The following FLVCR2 variants were observed in gnomAD, a reference collection of about 807,000 sequenced individuals.
FLVCR2 encodes FLVCR choline and putative heme transporter 2, also known as choline/ethanolamine transporter FLVCR2.
In FLVCR2, 38 loss-of-function variants were observed where a neutral mutation model predicts 48.9. The observed-to-expected ratio is 0.78, with a 90% confidence interval of 0.60 to 1.02. FLVCR2 has a LOEUF of 1.02. FLVCR2 is among the 50% of genes least tolerant of loss of function. The pLI, the probability that FLVCR2 is intolerant of heterozygous loss-of-function variation, is 0.00. For synonymous variants in FLVCR2, 255 were observed against 257.0 expected, an observed-to-expected ratio of 0.99 and a Z score of 0.07; for missense variants, 664 against 663.3, an observed-to-expected ratio of 1.00 and a Z score of -0.01.
At chr14:75,619,485 C>CT (rs1889708047) in intron 1 of FLVCR2, among the ~76,000 whole-genome samples, 1 of 122,820 alleles carries the variant, frequency 8.1e-6, no homozygotes, top group African/African-American at 3.3e-5. Flanking sequence ...GCTCATCCAT[C>CT]CATCCATCCA....
chr14:75,590,592 C>G (rs1888856525), intron 1 of FLVCR2, among the ~76,000 whole-genome samples: 1 of 152,188 alleles, frequency 6.6e-6, no homozygotes, highest in African/African-American at 2.4e-5. Context: ...GAGTAAAGTT[C>G]TCATGCATGG....
rs1042081695 is a variant in FLVCR2 at position 75,624,893 on chromosome 14, T to C, written c.952+141T>C. On this transcript the variant is annotated intron_variant, in intron 3 of 9. Coordinates refer to ENST00000238667, the MANE Select transcript of FLVCR2 (RefSeq NM_017791.3). ...CTAGGGTCAATCCAGAGGACCCAGC[T>C]ATGCCCAAGGGCCTTTGCATGTGTT... is the stretch of plus-strand genomic sequence containing the variant. 5 of 992,970 alleles carry C rather than the reference T, an allele frequency of 5.0e-6. No individual in the cohort carries two copies. In the East Asian group the frequency reaches 1.3e-4, roughly 25 times the overall value. 61.5% of individuals were successfully genotyped at this position (992,970 alleles called of 1,614,324 possible). A position where few individuals can be genotyped will look rare whatever the true frequency, so the allele number is the denominator to read the frequency against.
intron 1 of FLVCR2, chr14:75,595,761 G>T: frequency 1.5e-6 from 1 of 682,638 alleles, no homozygotes; most frequent in Non-Finnish European, 2.7e-6. Flanking sequence ...TAATATTCTT[G>T]TGAAAAATCC....
At chr14:75,607,547 T>A (rs1231886244) in intron 1 of FLVCR2, among the ~76,000 whole-genome samples, 1 of 152,020 alleles carries the variant, frequency 6.6e-6, no homozygotes, top group African/African-American at 2.4e-5. Flanking sequence ...ACCTCAGAAG[T>A]CTCGATGTTG....
chr14:75,586,341 T>C (rs1888748640), intron 1 of FLVCR2, among the ~76,000 whole-genome samples: 1 of 152,132 alleles, frequency 6.6e-6, no homozygotes, highest in Admixed American at 6.5e-5. Flanking sequence ...AGTACATTGA[T>C]CAGTTAGGGT....
At chr14:75,585,275 C>T (rs745608129) in intron 1 of FLVCR2, among the ~76,000 whole-genome samples, 3 of 152,152 alleles carry the variant, frequency 2.0e-5, no homozygotes, top group Non-Finnish European at 2.9e-5. Flanking sequence ...TGTCAGGCAC[C>T]TCAGACCATT....
intron 5 of FLVCR2, among the ~76,000 whole-genome samples, chr14:75,637,451 G>A (rs1376390535): frequency 6.6e-6 from 1 of 152,240 alleles, no homozygotes; most frequent in African/African-American, 2.4e-5. Context: ...TTTTGGCCAG[G>A]TGCGGTGGCT....
chr14:75,608,884 G>T (rs1889365770), intron 1 of FLVCR2, among the ~76,000 whole-genome samples: 1 of 152,082 alleles, frequency 6.6e-6, no homozygotes, highest in Non-Finnish European at 1.5e-5. Flanking sequence ...TCTGTCCCTT[G>T]CAAATAACCC....
rs1890453538 is a variant in FLVCR2 at position 75,647,823 on chromosome 14, G to A, written c.*1351G>A. ...CAGCATATCAGGGCAGCCTGTGCTG[G>A]CTGCAATACTGTGGTGCTTGGGCCA... On this transcript the variant is annotated 3_prime_UTR_variant, in exon 10 of 10. Coordinates refer to ENST00000238667, the MANE Select transcript of FLVCR2 (RefSeq NM_017791.3). The A allele has an allele frequency of 6.5e-6, 1 of 152,782 alleles. No homozygotes were observed. The allele number at this position is 152,782 out of a possible 1,614,324, so 9.5% of individuals were successfully genotyped here.
At chr14:75,598,450 C>T (rs1165595138) in intron 1 of FLVCR2, among the ~76,000 whole-genome samples, 1 of 151,710 alleles carries the variant, frequency 6.6e-6, no homozygotes, top group Non-Finnish European at 1.5e-5. Flanking sequence ...ATTTTTTTTT[C>T]TCTATAACCT....
intron 1 of FLVCR2, among the ~76,000 whole-genome samples, chr14:75,620,015 C>T: frequency 6.6e-6 from 1 of 152,216 alleles, no homozygotes; most frequent in East Asian, 1.9e-4. Flanking sequence ...GTCACAGAGC[C>T]TCAGATGATG....
At chr14:75,591,303 A>G (rs900522088) in intron 1 of FLVCR2, among the ~76,000 whole-genome samples, 1 of 152,216 alleles carries the variant, frequency 6.6e-6, no homozygotes, top group African/African-American at 2.4e-5. Context: ...TTGGCCTCTC[A>G]GAGTGCCTGG....
chr14:75,603,720 C>T (rs768514693), intron 1 of FLVCR2, among the ~76,000 whole-genome samples: 3 of 152,152 alleles, frequency 2.0e-5, no homozygotes, highest in East Asian at 3.8e-4. Flanking sequence ...GATACTCCCC[C>T]CTTAGATGCT....
Position 75,625,101 on chromosome 14 carries a change from C to T in FLVCR2, c.952+349C>T, listed in dbSNP as rs558745507. Among the ~76,000 whole-genome samples the T allele has an allele frequency of 8.4e-4, 127 of 152,038 alleles. 1 individual carries two copies. Among genetic ancestry groups the T allele is most frequent in the Non-Finnish European group, 1.6e-3 (108 of 68,004 alleles). Reference sequence around the variant, plus strand: ...ATTAAAAAAAAATTTTTTTGCAGGTCTATTTCCCCATTAGACTGAACTCTC... The same window carrying T: ...ATTAAAAAAAAATTTTTTTGCAGGTTTATTTCCCCATTAGACTGAACTCTC... On this transcript the variant is annotated intron_variant, in intron 3 of 9. Coordinates refer to ENST00000238667, the MANE Select transcript of FLVCR2 (RefSeq NM_017791.3).
intron 1 of FLVCR2, among the ~76,000 whole-genome samples, chr14:75,611,757 C>CA (rs530229324): frequency 1.3e-5 from 2 of 151,914 alleles, no homozygotes; most frequent in African/African-American, 2.4e-5. Context: ...AACAAACAAA[C>CA]AAAAAAACCC....
At chr14:75,633,108 C>T (rs1269575631) in intron 3 of FLVCR2, among the ~76,000 whole-genome samples, 1 of 152,174 alleles carries the variant, frequency 6.6e-6, no homozygotes, top group African/African-American at 2.4e-5. Context: ...AGGATCTCTT[C>T]TAGTTTCATG....
At chr14:75,623,012 T>TGC (rs1378646042) in intron 2 of FLVCR2, among the ~76,000 whole-genome samples, 1 of 152,084 alleles carries the variant, frequency 6.6e-6, no homozygotes, top group Non-Finnish European at 1.5e-5. Flanking sequence ...GATGGAGTCT[T>TGC]GCTCTGTCAC....
At chr14:75,595,802 C>A in intron 1 of FLVCR2, 1 of 796,288 alleles carries the variant, frequency 1.3e-6, no homozygotes, top group Non-Finnish European at 2.3e-6. Flanking sequence ...CATTGCAGCA[C>A]CTTTACTCCT....
intron 2 of FLVCR2, among the ~76,000 whole-genome samples, chr14:75,623,233 C>T (rs1889808517): frequency 2.6e-5 from 4 of 152,178 alleles, no homozygotes; most frequent in Admixed American, 1.3e-4. Flanking sequence ...CTACCCGCCT[C>T]AGCCTCCCAA....
Sources: gnomAD v4.1 joint callset for allele counts (sites outside exome capture counted in the v4.1 genomes callset) on GRCh38, gnomAD v4.1.1 for gene constraint, MANE v1.5 for transcripts, NCBI Gene and HGNC (gene_info 2026-07-23, HGNC 2026-07-21) for gene names.